Variants in PARD3B observed in about 807,000 individuals in gnomAD.
PARD3B encodes par-3 family cell polarity regulator beta.
PARD3B carries 103 observed loss-of-function variants against 130.2 expected under a neutral mutation model. That is an observed-to-expected ratio of 0.79 (90% CI 0.67 to 0.93). PARD3B has a LOEUF of 0.93. Among genes scored for constraint, PARD3B ranks in the 40% least tolerant of loss-of-function variants. The pLI, the probability that PARD3B is intolerant of heterozygous loss-of-function variation, is 0.00. For missense variants in PARD3B, 1,609 were observed against 1,499.2 expected, an observed-to-expected ratio of 1.07 and a Z score of -1.21; for synonymous variants, 583 against 553.2, an observed-to-expected ratio of 1.05 and a Z score of -0.76.
intron 18 of PARD3B, among the ~76,000 whole-genome samples, chr2:205,382,169 T>A (rs1043855402): frequency 6.6e-6 from 1 of 152,104 alleles, no homozygotes; most frequent in Non-Finnish European, 1.5e-5. Flanking sequence ...TAATCCAGGA[T>A]ACAACATTGC....
chr2:205,271,744 C>T (rs1213581267), intron 16 of PARD3B, among the ~76,000 whole-genome samples: 2 of 152,228 alleles, frequency 1.3e-5, no homozygotes, highest in Non-Finnish European at 2.9e-5. Context: ...CCACTATCCT[C>T]AACTTTCCAC....
intron 19 of PARD3B, among the ~76,000 whole-genome samples, chr2:205,437,421 ACT>A (rs2047556119): frequency 6.6e-6 from 1 of 152,042 alleles, no homozygotes; most frequent in South Asian, 2.1e-4. Flanking sequence ...CATACCAAAA[ACT>A]CTCAGAATAA....
chr2:205,117,504 G>A (rs1411208142), intron 6 of PARD3B, among the ~76,000 whole-genome samples: 4 of 152,200 alleles, frequency 2.6e-5, no homozygotes, highest in African/African-American at 9.7e-5. Context: ...CAACTCCGTG[G>A]CCACTCCAAA....
intron 22 of PARD3B, among the ~76,000 whole-genome samples, chr2:205,565,464 T>G (rs2053289127): frequency 6.6e-6 from 1 of 152,196 alleles, no homozygotes; most frequent in South Asian, 2.1e-4. Context: ...TAAGACAGTT[T>G]CTAGCCAGTG....
intron 22 of PARD3B, among the ~76,000 whole-genome samples, chr2:205,607,898 G>A (rs959655618): frequency 6.7e-6 from 1 of 150,236 alleles, no homozygotes; most frequent in Non-Finnish European, 1.5e-5. Flanking sequence ...GAAGATGGAA[G>A]TGTTTAAGTC....
At chr2:205,428,057 A>G (rs938836680) in intron 19 of PARD3B, among the ~76,000 whole-genome samples, 1 of 152,152 alleles carries the variant, frequency 6.6e-6, no homozygotes, top group East Asian at 1.9e-4. Context: ...TGAGAAGTGA[A>G]GTGCTCATGA....
At chr2:204,584,952 C>A (rs2032751921) in intron 1 of PARD3B, among the ~76,000 whole-genome samples, 1 of 152,196 alleles carries the variant, frequency 6.6e-6, no homozygotes, top group Admixed American at 6.5e-5. Context: ...GCAACTGCAT[C>A]ATCCGTAGGG....
intron 22 of PARD3B, among the ~76,000 whole-genome samples, chr2:205,606,527 G>A (rs563613933): frequency 9.2e-4 from 139 of 151,498 alleles, no homozygotes; most frequent in African/African-American, 3.2e-3. Context: ...GGGAGCCTCC[G>A]ACCACAGCTG....
At chr2:204,866,727 A>G (rs1263803872) in intron 2 of PARD3B, among the ~76,000 whole-genome samples, 12 of 151,916 alleles carry the variant, frequency 7.9e-5, no homozygotes, top group Non-Finnish European at 4.4e-5. Context: ...GTGTGTGTGT[A>G]TATATATATT....
intron 2 of PARD3B, among the ~76,000 whole-genome samples, chr2:204,747,447 G>C (rs1196899762): frequency 2.0e-5 from 3 of 152,116 alleles, no homozygotes; most frequent in Non-Finnish European, 2.9e-5. Flanking sequence ...CAAACAAATG[G>C]AAGAACATTC....
intron 2 of PARD3B, among the ~76,000 whole-genome samples, chr2:204,746,293 C>T (rs2040225892): frequency 6.6e-6 from 1 of 151,648 alleles, no homozygotes; most frequent in South Asian, 2.1e-4. Context: ...CATCCATGTC[C>T]CTACAAAGGA....
chr2:204,631,431 G>A (rs1179484250), intron 1 of PARD3B, among the ~76,000 whole-genome samples: 1 of 151,968 alleles, frequency 6.6e-6, no homozygotes, highest in Non-Finnish European at 1.5e-5. Flanking sequence ...TGTATTTTTA[G>A]TAGAGATGGG....
At position 205,450,580 on chromosome 2, in the gene PARD3B, TCTC is replaced by T. The variant is rs2048065909; in HGVS notation, c.3044+9911_3044+9913del. Reference sequence around the variant, plus strand: ...CCTCCGCCTCCCAGGTTCAAGTAATTCTCCTGCCTCAGCCTCCTGAGTAGCTGG... The same window carrying T: ...CCTCCGCCTCCCAGGTTCAAGTAATTCTGCCTCAGCCTCCTGAGTAGCTGG... On this transcript the variant is annotated intron_variant, in intron 20 of 22. Transcript: ENST00000406610. 2.0e-5 allele frequency among the ~76,000 whole-genome samples: 3 copies of T among 150,688 alleles called. No individual in the cohort carries two copies. The South Asian group carries it at 6.3e-4, about 32-fold the overall frequency.
intron 20 of PARD3B, among the ~76,000 whole-genome samples, chr2:205,469,085 G>A (rs138765705): frequency 1.3e-5 from 2 of 152,116 alleles, no homozygotes; most frequent in Admixed American, 6.5e-5. Context: ...AATGATCACA[G>A]TGTGTTGGAA....
At chr2:205,400,008 A>G (rs913416020) in intron 18 of PARD3B, among the ~76,000 whole-genome samples, 2 of 152,064 alleles carry the variant, frequency 1.3e-5, no homozygotes, top group Non-Finnish European at 2.9e-5. Flanking sequence ...TTGGTTCTTC[A>G]CTGGTAAAAT....
intron 15 of PARD3B, among the ~76,000 whole-genome samples, chr2:205,201,694 G>A (rs919762676): frequency 6.6e-6 from 1 of 152,228 alleles, no homozygotes; most frequent in Non-Finnish European, 1.5e-5. Flanking sequence ...AAAATTAGCT[G>A]GGCGTGGTGG....
chr2:205,603,409 A>G (rs1254923334), intron 22 of PARD3B, among the ~76,000 whole-genome samples: 2 of 152,066 alleles, frequency 1.3e-5, no homozygotes, highest in African/African-American at 4.8e-5. Flanking sequence ...TATCCTTGTT[A>G]ATTTTCTGTC....
At chr2:205,374,782 A>T (rs1205865121) in intron 18 of PARD3B, among the ~76,000 whole-genome samples, 2 of 152,148 alleles carry the variant, frequency 1.3e-5, no homozygotes, top group East Asian at 1.9e-4. Context: ...AATAAAAAAG[A>T]TAGATTAAGA....
chr2:205,276,035 T>C lies in PARD3B; in HGVS notation c.2186-24495T>C, dbSNP rs1236058469. 6.6e-6 allele frequency among the ~76,000 whole-genome samples: 1 copy of C among 152,114 alleles called. No individual in the cohort carries two copies. Among genetic ancestry groups the C allele is most frequent in the Non-Finnish European group, 1.5e-5 (1 of 68,022 alleles). On this transcript the variant is annotated intron_variant, in intron 16 of 22. Coordinates refer to ENST00000406610, the MANE Select transcript of PARD3B (RefSeq NM_001302769.2). The surrounding 1 kb of genome is among the most constrained non-coding windows in gnomAD (Gnocchi z 5.0). ...TCAGGTGTGTTCATATTATCATTAT[T>C]TAGTCTGAGAAATCTATTAAGAGTT...
Sources: allele counts gnomAD v4.1 joint callset (sites outside exome capture counted in the v4.1 genomes callset), GRCh38; gene constraint gnomAD v4.1.1; non-coding constraint Gnocchi (gnomAD v3.1); transcripts MANE v1.5; gene names NCBI Gene and HGNC (gene_info 2026-07-23, HGNC 2026-07-21).